LAMB4: variants seen among roughly 807,000 people sequenced by gnomAD.
LAMB4 encodes laminin subunit beta-4.
In LAMB4, 196 loss-of-function variants were observed where a neutral mutation model predicts 199.2. The ratio of observed to expected loss-of-function variants is 0.98; its 90% CI spans 0.88 to 1.11. LAMB4 has a LOEUF of 1.11. Among genes scored for constraint, LAMB4 ranks in the 50% least tolerant of loss-of-function variants. The pLI is 0.00. For missense variants in LAMB4, 2,080 were observed against 2,171.2 expected (o/e 0.96, Z 0.83); for synonymous variants, 744 against 770.6 (o/e 0.97, Z 0.57).
intron 2 of LAMB4, among the ~76,000 whole-genome samples, 191 bp from the exon 3 acceptor site, chr7:108,116,352 C>T (rs1473549442): frequency 6.6e-6 from 1 of 151,908 alleles, no homozygotes; most frequent in African/African-American, 2.4e-5. Context: ...GGTGTAATAC[C>T]TCTTTGAGTC....
At chr7:108,032,121 G>A (rs2035060001) in intron 31 of LAMB4, among the ~76,000 whole-genome samples, 1 of 152,082 alleles carries the variant, frequency 6.6e-6, no homozygotes. Flanking sequence ...TGGGCACGGT[G>A]GTTTACGCCT....
chr7:108,117,251 A>C (rs547413537), intron 2 of LAMB4, among the ~76,000 whole-genome samples: 2 of 152,214 alleles, frequency 1.3e-5, no homozygotes, highest in Non-Finnish European at 2.9e-5. Flanking sequence ...ATCAAGTTAG[A>C]TAAAGAAGGA....
chr7:108,115,281 A>G (rs1034190019), intron 3 of LAMB4, among the ~76,000 whole-genome samples: 1 of 152,240 alleles, frequency 6.6e-6, no homozygotes, highest in African/African-American at 2.4e-5. Context: ...TGGACTTTGA[A>G]TTACATGAGA....
At chr7:108,017,026 T>C in the LAMB4 span, among the ~76,000 whole-genome samples, 1 of 152,230 alleles carries the variant, frequency 6.6e-6, no homozygotes, top group African/African-American at 2.4e-5. Flanking sequence ...GATACTGCTA[T>C]GAATCTTAGA....
At chr7:108,075,986 T>C (rs2036687662) in intron 17 of LAMB4, 1 of 153,798 alleles carries the variant, frequency 6.5e-6, no homozygotes, top group East Asian at 1.9e-4. Context: ...AATTGGAAAA[T>C]ATGTTCCAGA....
intron 23 of LAMB4, 56 bp downstream of exon 23, chr7:108,062,718 C>G (rs976445531): frequency 2.0e-6 from 2 of 1,017,048 alleles, no homozygotes; most frequent in Non-Finnish European, 2.7e-6. Flanking sequence ...ATTTAGAAAC[C>G]ATGTCTCACT....
intron 31 of LAMB4, among the ~76,000 whole-genome samples, chr7:108,033,018 T>C (rs1042469668): frequency 5.3e-5 from 8 of 152,202 alleles, no homozygotes; most frequent in Non-Finnish European, 1.0e-4. Context: ...TCCAATCTAA[T>C]ATTTTTATGT....
At chr7:108,067,806 C>T (rs775841407) in intron 19 of LAMB4, among the ~76,000 whole-genome samples, 4 of 152,222 alleles carry the variant, frequency 2.6e-5, no homozygotes, top group African/African-American at 4.8e-5. Flanking sequence ...GTTCCTAATG[C>T]AGCTCTGCCT....
chr7:108,024,838 G>A (rs888925442), intron 33 of LAMB4, among the ~76,000 whole-genome samples: 2 of 152,162 alleles, frequency 1.3e-5, no homozygotes, highest in Admixed American at 1.3e-4. Context: ...CCTTAACAAG[G>A]AGACTATATA....
At chr7:108,115,222 A>C (rs1014202092) in intron 3 of LAMB4, among the ~76,000 whole-genome samples, 2 of 152,232 alleles carry the variant, frequency 1.3e-5, no homozygotes, top group South Asian at 4.1e-4. Flanking sequence ...AGGTAACAGG[A>C]AATGGAAATT....
Position 108,091,814 on chromosome 7 carries a change from T to C in LAMB4, c.1551-38A>G, listed in dbSNP as rs774273683. On this transcript the variant is annotated intron_variant, in intron 13 of 33. Coordinates refer to ENST00000388781, the MANE Select transcript of LAMB4 (RefSeq NM_007356.3). ...CAATTCATCATGAAAAAATGCAAAG[T>C]AGGTGAGCGGAAAATGAAGGTGTAG... 18 of 1,607,954 alleles carry C rather than the reference T, an allele frequency of 1.1e-5. No homozygotes were observed. The Admixed American group carries it at 2.4e-4, about 21-fold the overall frequency.
chr7:108,099,505 G>A (rs572591793), intron 10 of LAMB4, among the ~76,000 whole-genome samples: 48 of 152,252 alleles, frequency 3.2e-4, no homozygotes, highest in Non-Finnish European at 5.4e-4. Flanking sequence ...CCTCATCATC[G>A]GAGGTGTCCA....
chr7:108,052,083 C>T lies in LAMB4; in HGVS notation c.3916+14G>A. 1 of 1,594,112 alleles carries T rather than the reference C, an allele frequency of 6.3e-7. No homozygotes were observed. Among genetic ancestry groups the T allele is most frequent in the Non-Finnish European group, 8.6e-7 (1 of 1,169,014 alleles). ...CTTTGTGCAGACACAGTCAAAAATA[C>T]ATTTTTCCCTTACCCGCAATGCTTG... On this transcript the variant is annotated intron_variant, in intron 26 of 33. Coordinates refer to ENST00000388781, the MANE Select transcript of LAMB4 (RefSeq NM_007356.3).
Position 108,047,920 on chromosome 7 carries a change from C to G in LAMB4, c.4314G>C (p.Gly1438=). ...IIRNLDKQVR[G]LKNQIESISE... ...AGAAGATATTTACCTGATTTTTCAA[C>G]CCACGAACCTGTTTGTCCAAATTAC... Residue 1438 remains glycine (G), a synonymous_variant, in exon 28 of 34, where the codon GGG becomes GGC. Transcript: ENST00000388781. The G allele has an allele frequency of 6.2e-7, 1 of 1,613,840 alleles. No homozygotes were observed.
In LAMB4 at chr7:108,086,083, C is replaced by T. The variant is rs1441305021; in HGVS notation, c.1701+5543G>A. On this transcript the variant is annotated intron_variant, in intron 14 of 33. Coordinates refer to ENST00000388781, the MANE Select transcript of LAMB4 (RefSeq NM_007356.3). The stretch of plus-strand genomic sequence containing the variant: ...CTCCCGACTGACCCCTTCTTTTGGG[C>T]CTTGCTGTTGGCTGATGAGAGCCAC... 2.0e-5 allele frequency among the ~76,000 whole-genome samples: 3 copies of T among 152,256 alleles called. No individual in the cohort carries two copies. In the East Asian group the frequency reaches 5.8e-4, roughly 29 times the overall value.
chr7:108,126,197 T>C (rs1327402016), intron 1 of LAMB4, among the ~76,000 whole-genome samples: 1 of 152,186 alleles, frequency 6.6e-6, no homozygotes, highest in African/African-American at 2.4e-5. Flanking sequence ...GACTTCCTTT[T>C]TGAAATATTT....
intron 1 of LAMB4, among the ~76,000 whole-genome samples, chr7:108,130,078 C>T (rs1309430166): frequency 6.6e-6 from 1 of 152,208 alleles, no homozygotes; most frequent in Non-Finnish European, 1.5e-5. Flanking sequence ...TTGTTGGCTT[C>T]ATATCACAAT....
At chr7:108,041,494 C>T (rs1468025939) in intron 29 of LAMB4, among the ~76,000 whole-genome samples, 1 of 152,172 alleles carries the variant, frequency 6.6e-6, no homozygotes, top group African/African-American at 2.4e-5. Context: ...TGGAATCAAC[C>T]TATATGCCCA....
At chr7:108,077,157 C>A in intron 16 of LAMB4, 93 bp from the exon 17 acceptor site, 1 of 1,323,846 alleles carries the variant, frequency 7.6e-7, no homozygotes, top group Non-Finnish European at 1.1e-6. Flanking sequence ...TGCACTTGTA[C>A]TGGGCAGTGA....
Sources: allele counts gnomAD v4.1 joint callset (sites outside exome capture counted in the v4.1 genomes callset), GRCh38; gene constraint gnomAD v4.1.1; transcripts MANE v1.5; gene names NCBI Gene and HGNC (gene_info 2026-07-23, HGNC 2026-07-21).